Variants in MGAT4C observed in about 807,000 individuals in gnomAD.
MGAT4C encodes the protein MGAT4 family member C.
In MGAT4C, 19 loss-of-function variants were observed where a neutral mutation model predicts 40.1. The observed-to-expected ratio is 0.47, with a 90% CI of 0.33 to 0.70. MGAT4C has a LOEUF of 0.70. Ranked by LOEUF, MGAT4C falls within the 30% of genes least tolerant of loss-of-function variation. The pLI, the probability that MGAT4C is intolerant of heterozygous loss-of-function variation, is 0.02. For missense variants in MGAT4C, 491 were observed against 563.2 expected, an observed-to-expected ratio of 0.87 and a Z score of 1.30; for synonymous variants, 181 against 187.1, an observed-to-expected ratio of 0.97 and a Z score of 0.27.
At chr12:86,514,173 A>T (rs1958644549) in intron 2 of MGAT4C, among the ~76,000 whole-genome samples, 1 of 152,070 alleles carries the variant, frequency 6.6e-6, no homozygotes, top group South Asian at 2.1e-4. Flanking sequence ...ATCTCTGTCC[A>T]ATTAGTAGCT....
chr12:86,262,948 T>A (rs535443096), intron 4 of MGAT4C, among the ~76,000 whole-genome samples: 4 of 152,230 alleles, frequency 2.6e-5, no homozygotes, highest in Admixed American at 2.0e-4. Flanking sequence ...TAATGTTGAC[T>A]GTAAAAACTT....
At chr12:86,273,654 A>AT (rs1953001879) in intron 4 of MGAT4C, among the ~76,000 whole-genome samples, 1 of 152,186 alleles carries the variant, frequency 6.6e-6, no homozygotes, top group Non-Finnish European at 1.5e-5. Flanking sequence ...ATTATATACC[A>AT]TAACATAGGG....
intron 2 of MGAT4C, among the ~76,000 whole-genome samples, chr12:86,456,419 C>G (rs1451795219): frequency 1.3e-5 from 2 of 152,084 alleles, no homozygotes; most frequent in Non-Finnish European, 2.9e-5. Flanking sequence ...GCATTCAGAT[C>G]TATGTGTTTC....
chr12:86,724,832 G>C (rs1950795715), intron 2 of MGAT4C, among the ~76,000 whole-genome samples: 1 of 152,124 alleles, frequency 6.6e-6, no homozygotes, highest in South Asian at 2.1e-4. Context: ...TGCACCCAAA[G>C]CAGGCCAGCC....
intron 2 of MGAT4C, among the ~76,000 whole-genome samples, chr12:86,515,450 C>T (rs1958666214): frequency 6.6e-6 from 1 of 152,002 alleles, no homozygotes; most frequent in Non-Finnish European, 1.5e-5. Flanking sequence ...AATACAAAAT[C>T]AACTTACAGA....
chr12:86,271,722 C>T (rs773436947), intron 4 of MGAT4C, among the ~76,000 whole-genome samples: 10 of 152,090 alleles, frequency 6.6e-5, no homozygotes, highest in Middle Eastern at 3.2e-3. Flanking sequence ...CAGCACTATC[C>T]ACAATAGCAA....
At chr12:86,059,073 C>G (rs1274809799) in intron 1 of MGAT4C, among the ~76,000 whole-genome samples, 1 of 152,140 alleles carries the variant, frequency 6.6e-6, no homozygotes. Flanking sequence ...GAAACAGAGT[C>G]TCACTTTGTC....
At position 86,325,082 on chromosome 12, in the gene MGAT4C, C is replaced by T. The variant is rs1199853600; in HGVS notation, c.-57+8983G>A. On this transcript the variant is annotated intron_variant, in intron 4 of 7. Coordinates refer to the MGAT4C transcript ENST00000548651. Reference sequence around the variant, plus strand: ...ATAAATGTTGCATTCTTCACTTATGCTTCACACATGGATGAACAACAATTT... The same window carrying T: ...ATAAATGTTGCATTCTTCACTTATGTTTCACACATGGATGAACAACAATTT... Among the ~76,000 whole-genome samples, 3 of 152,074 alleles carry T rather than the reference C, an allele frequency of 2.0e-5. No individual in the cohort carries two copies. In the East Asian group the frequency reaches 5.8e-4, roughly 29 times the overall value.
At chr12:86,158,611 G>T (rs1885246715) in intron 1 of MGAT4C, among the ~76,000 whole-genome samples, 1 of 152,092 alleles carries the variant, frequency 6.6e-6, no homozygotes, top group Non-Finnish European at 1.5e-5. Flanking sequence ...TAGGTGAACT[G>T]TAAACTATTG....
chr12:86,163,107 C>T (rs1885783617), intron 1 of MGAT4C, among the ~76,000 whole-genome samples: 1 of 152,126 alleles, frequency 6.6e-6, no homozygotes, highest in South Asian at 2.1e-4. Context: ...AAAATCGCTA[C>T]AGTCAGTACC....
intron 3 of MGAT4C, among the ~76,000 whole-genome samples, chr12:86,345,324 T>A (rs1427934732): frequency 6.6e-6 from 1 of 152,104 alleles, no homozygotes; most frequent in East Asian, 1.9e-4. Context: ...GTGCACAACG[T>A]GCAGGTTTGT....
intron 2 of MGAT4C, among the ~76,000 whole-genome samples, chr12:86,647,722 G>T (rs1963581299): frequency 6.6e-6 from 1 of 151,838 alleles, no homozygotes. Flanking sequence ...GGAATGAAGG[G>T]CGACTAAATT....
chr12:85,974,477 T>C lies in MGAT4C; in HGVS notation c.*4812A>G, dbSNP rs1258765137. 2.0e-5 allele frequency: 3 copies of C among 150,566 alleles called. No individual in the cohort carries two copies. Among genetic ancestry groups the C allele is most frequent in the African/African-American group, 4.9e-5 (2 of 41,218 alleles). 9.3% of individuals were successfully genotyped at this position (150,566 alleles called of 1,614,324 possible). ...ATATATGTATATATATACACAAATA[T>C]ACACACATATTCACATAATATTCAA... On this transcript the variant is annotated 3_prime_UTR_variant, in exon 5 of 5. Transcript: ENST00000611864.
intron 1 of MGAT4C, among the ~76,000 whole-genome samples, chr12:86,207,825 C>T (rs767624495): frequency 6.6e-6 from 1 of 152,034 alleles, no homozygotes; most frequent in Non-Finnish European, 1.5e-5. Context: ...TGAACATTTG[C>T]AATTCATCCA....
chr12:86,107,362 G>A (rs1171861026), intron 1 of MGAT4C, among the ~76,000 whole-genome samples: 2 of 152,102 alleles, frequency 1.3e-5, no homozygotes, highest in African/African-American at 4.8e-5. Flanking sequence ...TTGTATGTGT[G>A]TGTGTGTGTG....
chr12:85,994,787 G>A (rs926536768), intron 2 of MGAT4C, among the ~76,000 whole-genome samples: 1 of 152,134 alleles, frequency 6.6e-6, no homozygotes, highest in African/African-American at 2.4e-5. Context: ...AAGCAAGAAA[G>A]CTCTCAAGAT....
intron 2 of MGAT4C, among the ~76,000 whole-genome samples, chr12:86,628,211 GAAAC>G (rs1962885881): frequency 6.6e-6 from 1 of 152,128 alleles, no homozygotes; most frequent in Non-Finnish European, 1.5e-5. Flanking sequence ...AGAGTAAAAA[GAAAC>G]AAACAAAGCC....
In MGAT4C at chr12:86,088,647, A is replaced by G. The variant is rs556241969; in HGVS notation, c.-56-38924T>C. On this transcript the variant is annotated intron_variant, in intron 1 of 4. Coordinates refer to ENST00000611864, the MANE Select transcript of MGAT4C (RefSeq NM_001351288.2). ...GGGAAAATGCTCAACATCCCTAAAC[A>G]TTAGAGAAATGAAAATCAAAACGGC... Among the ~76,000 whole-genome samples the G allele has an allele frequency of 1.2e-3, 190 of 152,146 alleles. 2 individuals are homozygous for G. The highest frequency in any genetic ancestry group is 2.7e-3 in the Admixed American group (41 of 15,256).
At chr12:86,779,500 G>C (rs574374036) in intron 1 of MGAT4C, among the ~76,000 whole-genome samples, 3 of 152,002 alleles carry the variant, frequency 2.0e-5, no homozygotes, top group African/African-American at 2.4e-5. Context: ...TACTGGGGAA[G>C]TGGAGGTGAG....
Sources: gnomAD v4.1 joint callset for allele counts (sites outside exome capture counted in the v4.1 genomes callset) on GRCh38, gnomAD v4.1.1 for gene constraint, MANE v1.5 for transcripts, NCBI Gene and HGNC (gene_info 2026-07-23, HGNC 2026-07-21) for gene names.